UNC5C: variants seen among roughly 807,000 people sequenced by gnomAD.
UNC5C encodes netrin receptor UNC5C.
A neutral mutation model predicts 99.8 loss-of-function variants in UNC5C; 47 were observed. That is an observed-to-expected ratio of 0.47 (90% CI 0.37 to 0.60). The LOEUF is 0.60. Among genes scored for constraint, UNC5C ranks in the 20% least tolerant of loss-of-function variants. The pLI is 0.00. For missense variants in UNC5C, 1,062 were observed against 1,165.9 expected (o/e 0.91, Z 1.30); for synonymous variants, 487 against 452.2 (o/e 1.08, Z -0.98).
In UNC5C at chr4:95,548,965, A is replaced by C; in HGVS notation, c.-108T>G. 7.0e-7 allele frequency: 1 copy of C among 1,438,046 alleles called. No homozygotes were observed. 89.1% of individuals were successfully genotyped at this position (1,438,046 alleles called of 1,614,324 possible). A position where few individuals can be genotyped will look rare whatever the true frequency, so the allele number is the denominator to read the frequency against. On this transcript the variant is annotated 5_prime_UTR_variant, in exon 1 of 16. Transcript: ENST00000453304. ...ATCCGTGCACCGCGAAGCAGTCCGA[A>C]GAAATAACGACAACCAAGCGCCACA...
rs183235126 is a variant in UNC5C at position 95,424,818 on chromosome 4, C to T, written c.125-89187G>A. Among the ~76,000 whole-genome samples, 607 of 152,002 alleles carry T rather than the reference C, an allele frequency of 4.0e-3. 2 individuals carry two copies. Among genetic ancestry groups the T allele is most frequent in the African/African-American group, 0.014 (569 of 41,448 alleles). ...GATTACAGGAGTGAGCCACCGCACCCGCCCCAGATTTTTTATAGATGAGGA... is the reference window on the plus strand; with the variant it reads ...GATTACAGGAGTGAGCCACCGCACCTGCCCCAGATTTTTTATAGATGAGGA... On this transcript the variant is annotated intron_variant, in intron 1 of 15. Transcript: ENST00000453304.
intron 1 of UNC5C, among the ~76,000 whole-genome samples, chr4:95,349,572 G>A (rs2149428471): frequency 6.6e-6 from 1 of 151,174 alleles, no homozygotes; most frequent in East Asian, 2.0e-4. Context: ...TGCTTTTTGA[G>A]CTTTTATTCA....
intron 9 of UNC5C, among the ~76,000 whole-genome samples, chr4:95,216,600 T>TA (rs148891275): frequency 0.05 from 7,154 of 142,118 alleles, 193 homozygotes; most frequent in South Asian, 0.08. Context: ...AACTTCAACA[T>TA]AAAAAAAAAA....
chr4:95,335,389 C>A, intron 2 of UNC5C, 21 bp downstream of exon 2: 1 of 1,597,414 alleles, frequency 6.3e-7, no homozygotes. Context: ...AAGTGCAATG[C>A]AAATGCAATG....
At chr4:95,338,927 T>G (rs1743450943) in intron 1 of UNC5C, among the ~76,000 whole-genome samples, 1 of 152,032 alleles carries the variant, frequency 6.6e-6, no homozygotes, top group Non-Finnish European at 1.5e-5. Context: ...TATTAAGAAT[T>G]CTGAGATTGT....
At chr4:95,458,865 G>A (rs1747517348) in intron 1 of UNC5C, among the ~76,000 whole-genome samples, 1 of 151,764 alleles carries the variant, frequency 6.6e-6, no homozygotes, top group Admixed American at 6.6e-5. Context: ...ATTTTAAATG[G>A]TATGATGGGA....
At chr4:95,218,857 G>T in intron 9 of UNC5C, 112 bp downstream of exon 9, 1 of 1,061,252 alleles carries the variant, frequency 9.4e-7, no homozygotes, top group Non-Finnish European at 1.3e-6. Flanking sequence ...GGCTGGATAG[G>T]TCACATTTAA....
intron 1 of UNC5C, among the ~76,000 whole-genome samples, chr4:95,544,815 T>A (rs1168694733): frequency 6.6e-6 from 1 of 152,216 alleles, no homozygotes; most frequent in African/African-American, 2.4e-5. Flanking sequence ...ACTGGCTCAA[T>A]CTCAACCCCC....
chr4:95,500,576 C>G (rs565804594), intron 1 of UNC5C, among the ~76,000 whole-genome samples: 5 of 152,072 alleles, frequency 3.3e-5, no homozygotes, highest in Non-Finnish European at 7.4e-5. Context: ...CACCCTTGAT[C>G]CAAGGTTCCT....
chr4:95,250,962 A>C (rs1739695748), intron 4 of UNC5C, among the ~76,000 whole-genome samples: 1 of 152,200 alleles, frequency 6.6e-6, no homozygotes, highest in Non-Finnish European at 1.5e-5. Context: ...AATTGTTTTC[A>C]CTTTGCCCTG....
At chr4:95,446,685 T>A in intron 1 of UNC5C, among the ~76,000 whole-genome samples, 1 of 152,234 alleles carries the variant, frequency 6.6e-6, no homozygotes, top group Middle Eastern at 3.2e-3. Flanking sequence ...TCCTACATCT[T>A]GATTGTGTTG....
intron 1 of UNC5C, among the ~76,000 whole-genome samples, chr4:95,428,886 C>T (rs1351898253): frequency 3.3e-5 from 5 of 152,058 alleles, no homozygotes; most frequent in South Asian, 2.1e-4. Context: ...CTGACAGCCC[C>T]GTCACTAGGA....
chr4:95,338,998 A>G (rs1743454632), intron 1 of UNC5C, among the ~76,000 whole-genome samples: 1 of 152,092 alleles, frequency 6.6e-6, no homozygotes, highest in Non-Finnish European at 1.5e-5. Context: ...CATACCCGTG[A>G]AACCAGCCCT....
At chr4:95,315,220 A>G (rs866252955) in intron 2 of UNC5C, among the ~76,000 whole-genome samples, 2 of 152,098 alleles carry the variant, frequency 1.3e-5, no homozygotes, top group Non-Finnish European at 2.9e-5. Context: ...AGTCTGTGTT[A>G]TGGTAAGCTG....
intron 12 of UNC5C, among the ~76,000 whole-genome samples, chr4:95,188,589 A>G (rs2149353276): frequency 6.6e-6 from 1 of 152,342 alleles, no homozygotes; most frequent in South Asian, 2.1e-4. Context: ...ATTCCACTTA[A>G]AAATATGCTG....
chr4:95,418,868 A>G (rs1438175300), intron 1 of UNC5C, among the ~76,000 whole-genome samples: 1 of 152,148 alleles, frequency 6.6e-6, no homozygotes, highest in African/African-American at 2.4e-5. Context: ...CCCAAAGTCT[A>G]GGACGAACTC....
intron 1 of UNC5C, among the ~76,000 whole-genome samples, chr4:95,509,907 G>A (rs1483355160): frequency 6.6e-6 from 1 of 151,856 alleles, no homozygotes; most frequent in South Asian, 2.1e-4. Context: ...AAAGAAGAGT[G>A]CGTTTGCGTT....
intron 1 of UNC5C, among the ~76,000 whole-genome samples, chr4:95,467,240 T>C (rs1747809867): frequency 6.6e-6 from 1 of 152,206 alleles, no homozygotes; most frequent in South Asian, 2.1e-4. Flanking sequence ...AAATGACCAA[T>C]GTTTTTGTTT....
At chr4:95,481,813 AAG>A (rs1487044574) in intron 1 of UNC5C, among the ~76,000 whole-genome samples, 1 of 152,128 alleles carries the variant, frequency 6.6e-6, no homozygotes, top group Non-Finnish European at 1.5e-5. Flanking sequence ...CATATGTAGA[AAG>A]CTGAAAGTGG....
Sources: gnomAD v4.1 joint callset for allele counts (sites outside exome capture counted in the v4.1 genomes callset) on GRCh38, gnomAD v4.1.1 for gene constraint, MANE v1.5 for transcripts, NCBI Gene and HGNC (gene_info 2026-07-23, HGNC 2026-07-21) for gene names.